Variants in LTBP1 observed in about 807,000 individuals in gnomAD.
LTBP1 encodes latent transforming growth factor beta binding protein 1.
A neutral mutation model predicts 207.6 loss-of-function variants in LTBP1; 129 were observed. The ratio of observed to expected loss-of-function variants is 0.62; its 90% CI spans 0.54 to 0.72. The LOEUF is 0.72. Ranked by LOEUF, LTBP1 falls within the 30% of genes least tolerant of loss-of-function variation. The pLI is 0.00. For synonymous variants in LTBP1, 963 were observed against 833.7 expected (o/e 1.16, Z -2.67); for missense variants, 2,281 against 2,217.2 (o/e 1.03, Z -0.58).
At chr2:33,384,669 T>C (rs892777904) in intron 31 of LTBP1, among the ~76,000 whole-genome samples, 1 of 152,262 alleles carries the variant, frequency 6.6e-6, no homozygotes, top group Non-Finnish European at 1.5e-5. Flanking sequence ...TCTCCACATG[T>C]TGAGCTGGAT....
In LTBP1 at chr2:33,188,684, A is replaced by G. The variant is rs2087487319; in HGVS notation, c.1534A>G (p.Lys512Glu). The change falls in exon 7 of 34, where the codon AAA becomes GAA. Residue 512 changes from lysine (K) to glutamate (E), a missense_variant. Lys to Glu is a moderately conservative substitution (Grantham distance 56, BLOSUM62 1). Around this residue, in one of 3 missense-constraint regions of LTBP1, gnomAD observed 1,671 missense variants for 1,634.8 expected, o/e 1.02. Transcript: ENST00000404816. The part of the protein sequence containing the change: ...RIDGPTGQKT[K>E]EAQPGQSQVS... Reference sequence around the variant, plus strand: ...TGATGGCCCAACAGGCCAGAAGACAAAAGAAGCTCAACCAGGCCAATCCCA... The same window carrying G: ...TGATGGCCCAACAGGCCAGAAGACAGAAGAAGCTCAACCAGGCCAATCCCA... The G allele has an allele frequency of 6.2e-7, 1 of 1,614,026 alleles. No individual in the cohort carries two copies. Among genetic ancestry groups the G allele is most frequent in the Non-Finnish European group, 8.5e-7 (1 of 1,180,032 alleles).
chr2:33,164,107 T>G (rs1386212174), intron 5 of LTBP1, among the ~76,000 whole-genome samples: 1 of 151,858 alleles, frequency 6.6e-6, no homozygotes, highest in Admixed American at 6.6e-5. Flanking sequence ...TCCCAGCACT[T>G]TGGGAGGCTG....
At chr2:33,380,641 A>G (rs2150380189) in intron 31 of LTBP1, among the ~76,000 whole-genome samples, 1 of 152,276 alleles carries the variant, frequency 6.6e-6, no homozygotes, top group Non-Finnish European at 1.5e-5. Flanking sequence ...GAGATCATCT[A>G]GTCTTATTGC....
intron 26 of LTBP1, among the ~76,000 whole-genome samples, chr2:33,355,260 G>A (rs368354087): frequency 6.6e-6 from 1 of 151,784 alleles, no homozygotes; most frequent in Non-Finnish European, 1.5e-5. Flanking sequence ...CTATTCTCTC[G>A]TTTTTCTTTC....
intron 24 of LTBP1, among the ~76,000 whole-genome samples, chr2:33,342,208 C>T (rs1333502298): frequency 1.3e-5 from 2 of 152,200 alleles, no homozygotes; most frequent in East Asian, 3.8e-4. Context: ...TTATGGAGAA[C>T]AAAATGAATT....
At chr2:33,244,664 G>C (rs945250457) in intron 10 of LTBP1, among the ~76,000 whole-genome samples, 3 of 151,952 alleles carry the variant, frequency 2.0e-5, no homozygotes, top group African/African-American at 4.8e-5. Flanking sequence ...AAAGAGATGG[G>C]GTCTTGCTAT....
intron 3 of LTBP1, among the ~76,000 whole-genome samples, chr2:33,067,644 T>G (rs2077583309): frequency 6.6e-6 from 1 of 152,214 alleles, no homozygotes; most frequent in Admixed American, 6.5e-5. Context: ...TTACATAGCA[T>G]TTACATTGTA....
At chr2:33,374,065 G>A (rs977649929) in intron 31 of LTBP1, among the ~76,000 whole-genome samples, 4 of 152,158 alleles carry the variant, frequency 2.6e-5, no homozygotes, top group East Asian at 1.9e-4. Flanking sequence ...AAGAAGTTTC[G>A]TAATGCCCTT....
chr2:33,176,268 G>T (rs1053125752), intron 5 of LTBP1, among the ~76,000 whole-genome samples: 17 of 151,840 alleles, frequency 1.1e-4, no homozygotes, highest in African/African-American at 3.9e-4. Context: ...GCTCTGTCGC[G>T]CAGGCTGGAG....
At chr2:33,384,333 T>G (rs966536675) in intron 31 of LTBP1, among the ~76,000 whole-genome samples, 1 of 152,228 alleles carries the variant, frequency 6.6e-6, no homozygotes, top group Non-Finnish European at 1.5e-5. Flanking sequence ...GCATCCCTTA[T>G]GTATCTTTCA....
intron 2 of LTBP1, among the ~76,000 whole-genome samples, chr2:32,960,432 AATGG>A (rs926870256): frequency 7.8e-6 from 1 of 128,434 alleles, no homozygotes; most frequent in African/African-American, 3.0e-5. Flanking sequence ...TGAATGAATG[AATGG>A]ATTGATTTGT....
At chr2:33,138,093 G>A (rs1214954627) in intron 5 of LTBP1, among the ~76,000 whole-genome samples, 1 of 152,140 alleles carries the variant, frequency 6.6e-6, no homozygotes, top group Non-Finnish European at 1.5e-5. Context: ...TGTGGAGGTT[G>A]TTCTTTTACA....
At chr2:33,004,602 T>C (rs1436975957) in intron 2 of LTBP1, among the ~76,000 whole-genome samples, 1 of 151,128 alleles carries the variant, frequency 6.6e-6, no homozygotes, top group Non-Finnish European at 1.5e-5. Context: ...GGTGAAATCC[T>C]GTCTCTACTA....
At chr2:33,348,074 T>C (rs1244511200) in intron 26 of LTBP1, among the ~76,000 whole-genome samples, 2 of 152,202 alleles carry the variant, frequency 1.3e-5, no homozygotes, top group Non-Finnish European at 2.9e-5. Flanking sequence ...AGTTGGACTG[T>C]TTTCCAGATA....
At chr2:33,009,560 G>C (rs1465251269) in intron 2 of LTBP1, among the ~76,000 whole-genome samples, 1 of 152,152 alleles carries the variant, frequency 6.6e-6, no homozygotes, top group East Asian at 1.9e-4. Flanking sequence ...TTAAGCCAAA[G>C]AACGCTTGAG....
intron 3 of LTBP1, among the ~76,000 whole-genome samples, chr2:33,056,858 C>T (rs1445011282): frequency 4.0e-4 from 61 of 152,116 alleles, no homozygotes; most frequent in Admixed American, 3.9e-3. Context: ...AGGCAGCCTC[C>T]TTTTATTCTC....
At chr2:33,072,457 G>T (rs1192502502) in intron 3 of LTBP1, among the ~76,000 whole-genome samples, 4 of 152,186 alleles carry the variant, frequency 2.6e-5, no homozygotes, top group Admixed American at 6.5e-5. Flanking sequence ...TCCAGGGTCT[G>T]GGGCAGCACC....
intron 19 of LTBP1, among the ~76,000 whole-genome samples, chr2:33,289,774 A>G (rs890405598): frequency 6.6e-6 from 1 of 152,216 alleles, no homozygotes; most frequent in Non-Finnish European, 1.5e-5. Flanking sequence ...TTTGGGTAAT[A>G]TGAACATTCT....
At chr2:33,370,178 C>T (rs2095049711) in intron 31 of LTBP1, among the ~76,000 whole-genome samples, 1 of 152,230 alleles carries the variant, frequency 6.6e-6, no homozygotes, top group South Asian at 2.1e-4. Context: ...TCAGAAGATA[C>T]TAACAACTAT....
Sources: allele counts gnomAD v4.1 joint callset (sites outside exome capture counted in the v4.1 genomes callset), GRCh38; gene constraint gnomAD v4.1.1; regional missense constraint gnomAD v4.1.1; transcripts MANE v1.5; gene names NCBI Gene and HGNC (gene_info 2026-07-23, HGNC 2026-07-21).